Variants in EYS observed in about 807,000 individuals in gnomAD.
The protein encoded by EYS is protein eyes shut homolog.
In EYS, 250 loss-of-function variants were observed where a neutral mutation model predicts 282.1. The ratio of observed to expected loss-of-function variants is 0.89; its 90% CI spans 0.80 to 0.98. The LOEUF (loss-of-function observed/expected upper bound fraction) is 0.98, where lower values mean the gene tolerates loss of function less well. Among genes scored for constraint, EYS ranks in the 50% least tolerant of loss-of-function variants. The pLI is 0.00. For missense variants in EYS, 4,016 were observed against 3,709.0 expected, an observed-to-expected ratio of 1.08 and a Z score of -2.15; for synonymous variants, 1,355 against 1,282.9, an observed-to-expected ratio of 1.06 and a Z score of -1.20.
intron 25 of EYS, among the ~76,000 whole-genome samples, chr6:64,592,846 G>C (rs1433647514): frequency 6.6e-6 from 1 of 152,016 alleles, no homozygotes; most frequent in East Asian, 1.9e-4. Flanking sequence ...AAAATGTGCT[G>C]GGATTGAGGT....
At chr6:64,798,766 C>T (rs571176960) in intron 22 of EYS, among the ~76,000 whole-genome samples, 4 of 151,934 alleles carry the variant, frequency 2.6e-5, no homozygotes, top group African/African-American at 7.2e-5. Flanking sequence ...ATGATTATTG[C>T]ATAAATGCTC....
At position 64,591,531 on chromosome 6, in the gene EYS, G is replaced by C; in HGVS notation, c.4336C>G (p.Arg1446Gly). Residue 1446 changes from arginine to glycine, a missense_variant, in exon 26 of 43, where the codon CGT becomes GGT. Arg to Gly is a moderately radical substitution (Grantham distance 125, BLOSUM62 -2). Transcript: ENST00000503581. ...GAGGCAGCTATAAGCAGGAATCCAC[G>C]GGAGAGTAATGACTGCCTGTTTAGC... ...IELNRQSLLSRGFLLIAASIS... is the reference protein window; with the variant it reads ...IELNRQSLLSGGFLLIAASIS... The C allele has an allele frequency of 6.4e-7, 1 of 1,551,240 alleles. No individual in the cohort carries two copies. Among genetic ancestry groups the C allele is most frequent in the Non-Finnish European group, 8.7e-7 (1 of 1,146,736 alleles).
At chr6:65,534,387 T>C (rs1269445655) in intron 2 of EYS, among the ~76,000 whole-genome samples, 2 of 152,124 alleles carry the variant, frequency 1.3e-5, no homozygotes, top group Non-Finnish European at 2.9e-5. Flanking sequence ...TTTGCAGCTT[T>C]CCTTAAATTG....
intron 37 of EYS, among the ~76,000 whole-genome samples, chr6:63,789,972 C>G (rs1770465529): frequency 6.6e-6 from 1 of 152,192 alleles, no homozygotes; most frequent in Non-Finnish European, 1.5e-5. Flanking sequence ...AGCAAGAGAT[C>G]TGTTCACAGG....
At chr6:65,425,450 T>C (rs1398479919) in intron 5 of EYS, among the ~76,000 whole-genome samples, 1 of 152,104 alleles carries the variant, frequency 6.6e-6, no homozygotes, top group Non-Finnish European at 1.5e-5. Context: ...AGCTAAAGAA[T>C]CAATAGACTC....
intron 2 of EYS, among the ~76,000 whole-genome samples, chr6:65,602,350 T>G (rs562205796): frequency 6.6e-6 from 1 of 152,098 alleles, no homozygotes; most frequent in African/African-American, 2.4e-5. Context: ...CAAGCTCAAG[T>G]TGAGTTATAA....
At chr6:65,025,129 G>C (rs768932223) in intron 13 of EYS, among the ~76,000 whole-genome samples, 2 of 152,178 alleles carry the variant, frequency 1.3e-5, no homozygotes, top group Non-Finnish European at 2.9e-5. Flanking sequence ...AGACTTTACA[G>C]AGTATATTTG....
intron 1 of EYS, among the ~76,000 whole-genome samples, chr6:65,657,775 T>A (rs1767877074): frequency 6.6e-6 from 1 of 151,872 alleles, no homozygotes; most frequent in South Asian, 2.1e-4. Context: ...AAAGAAGTTC[T>A]ACTGTGGGTA....
intron 13 of EYS, among the ~76,000 whole-genome samples, chr6:65,005,359 C>G (rs777256556): frequency 6.8e-5 from 10 of 147,538 alleles, no homozygotes; most frequent in Admixed American, 6.1e-4. Context: ...TAACACTTAC[C>G]GCATGGCCCA....
At chr6:64,690,369 C>T (rs1377546524) in intron 22 of EYS, among the ~76,000 whole-genome samples, 1 of 152,138 alleles carries the variant, frequency 6.6e-6, no homozygotes, top group Non-Finnish European at 1.5e-5. Context: ...AACGCTTTTA[C>T]ACTGTTGGTG....
intron 41 of EYS, among the ~76,000 whole-genome samples, chr6:63,738,588 G>A (rs908382126): frequency 1.6e-5 from 2 of 126,686 alleles, no homozygotes; most frequent in East Asian, 5.2e-4. Context: ...GGACTGTTGT[G>A]GGGTGGGGGG....
chr6:65,318,467 G>A (rs1293166631), intron 11 of EYS, among the ~76,000 whole-genome samples: 11 of 148,110 alleles, frequency 7.4e-5, no homozygotes, highest in African/African-American at 1.5e-4. Flanking sequence ...GTGGGTACTC[G>A]GAGGCAGGCA....
chr6:64,394,615 T>C (rs562090212), intron 28 of EYS, among the ~76,000 whole-genome samples: 80 of 151,914 alleles, frequency 5.3e-4, no homozygotes, highest in Non-Finnish European at 9.7e-4. Flanking sequence ...CCTTACACCT[T>C]ATACAAAAAT....
chr6:64,057,833 C>T (rs1562178356), intron 33 of EYS, among the ~76,000 whole-genome samples: 1 of 151,942 alleles, frequency 6.6e-6, no homozygotes, highest in African/African-American at 2.4e-5. Flanking sequence ...ATTTTTGAAT[C>T]TGTTTGTTTT....
intron 31 of EYS, among the ~76,000 whole-genome samples, chr6:64,214,996 C>T (rs2150329783): frequency 1.3e-5 from 2 of 152,048 alleles, no homozygotes; most frequent in Middle Eastern, 6.8e-3. Flanking sequence ...TAAATTTCCA[C>T]TCTAGTTAAA....
intron 22 of EYS, among the ~76,000 whole-genome samples, chr6:64,707,600 C>T (rs1562146914): frequency 6.7e-6 from 1 of 148,234 alleles, no homozygotes; most frequent in African/African-American, 2.5e-5. Context: ...ACCCGGGAGG[C>T]CTTGCAGTGA....
chr6:65,120,108 C>T (rs573374613), intron 12 of EYS, among the ~76,000 whole-genome samples: 29 of 134,714 alleles, frequency 2.2e-4, no homozygotes, highest in African/African-American at 8.3e-4. Flanking sequence ...GCCGAGATCG[C>T]GCCGCTGCAC....
At chr6:65,105,814 T>A (rs1212047654) in intron 12 of EYS, among the ~76,000 whole-genome samples, 2 of 151,914 alleles carry the variant, frequency 1.3e-5, no homozygotes, top group African/African-American at 4.8e-5. Context: ...TAACTGGAGG[T>A]TAATTTACAT....
intron 39 of EYS, among the ~76,000 whole-genome samples, chr6:63,781,245 T>A (rs145916795): frequency 3.2e-4 from 48 of 152,314 alleles, no homozygotes; most frequent in Middle Eastern, 6.8e-3. Context: ...CTTTTTTGGT[T>A]CCATATGAAC....
Sources: gnomAD v4.1 joint callset for allele counts (sites outside exome capture counted in the v4.1 genomes callset) on GRCh38, gnomAD v4.1.1 for gene constraint, MANE v1.5 for transcripts, NCBI Gene and HGNC (gene_info 2026-07-23, HGNC 2026-07-21) for gene names.